Variants in PCDHGB5 observed in about 807,000 individuals in gnomAD.
The protein encoded by PCDHGB5 is protocadherin gamma-B5.
PCDHGB5 carries 48 observed loss-of-function variants against 62.9 expected under a neutral mutation model. The observed-to-expected ratio is 0.76, with a 90% CI of 0.61 to 0.97. The LOEUF is 0.97. Ranked by LOEUF, PCDHGB5 falls within the 50% of genes least tolerant of loss-of-function variation. The pLI is 0.00. For missense variants in PCDHGB5, 1,118 were observed against 1,198.6 expected (o/e 0.93, Z 0.99); for synonymous variants, 474 against 511.2 (o/e 0.93, Z 0.98).
Position 141,476,489 on chromosome 5 carries a change from A to G in PCDHGB5, c.2398-18318A>G. ...GGAGCTGTTCAGCGTGGAAGTGGTGATCCAGGACATCAACGACAACAATCC... is the reference window on the plus strand; with the variant it reads ...GGAGCTGTTCAGCGTGGAAGTGGTGGTCCAGGACATCAACGACAACAATCC... On this transcript the variant is annotated intron_variant, in intron 1 of 3. Coordinates refer to ENST00000617380, the MANE Select transcript of PCDHGB5 (RefSeq NM_018925.3). The surrounding 1 kb of genome is among the most constrained non-coding windows in gnomAD (Gnocchi z 7.6). The G allele has an allele frequency of 6.2e-7, 1 of 1,613,928 alleles. No individual in the cohort carries two copies. Among genetic ancestry groups the G allele is most frequent in the Non-Finnish European group, 8.5e-7 (1 of 1,179,976 alleles).
chr5:141,404,917 G>A (rs750464541), intron 1 of PCDHGB5: 37 of 1,613,652 alleles, frequency 2.3e-5, no homozygotes, highest in Middle Eastern at 3.3e-4. Flanking sequence ...CCCCTCTCTC[G>A]GCCACTGTCA....
chr5:141,423,213 C>A, intron 1 of PCDHGB5: 1 of 1,613,710 alleles, frequency 6.2e-7, no homozygotes, highest in Non-Finnish European at 8.5e-7. Flanking sequence ...TCACGCTCAC[C>A]GTGGCTGTGG....
chr5:141,495,323 G>C (rs1029646773), intron 2 of PCDHGB5, among the ~76,000 whole-genome samples: 2 of 152,214 alleles, frequency 1.3e-5, no homozygotes, highest in African/African-American at 4.8e-5. Context: ...AGCCGAGGCT[G>C]ACTGCAGCCT....
intron 1 of PCDHGB5, chr5:141,492,050 C>T (rs2099736541): frequency 4.0e-6 from 2 of 500,984 alleles, no homozygotes; most frequent in South Asian, 7.5e-5. Context: ...AGATCCACCC[C>T]TGCAGCCAGC....
In PCDHGB5 at chr5:141,423,110, G is replaced by A. The variant is rs62621243; in HGVS notation, c.2397+22586G>A. On this transcript the variant is annotated intron_variant, in intron 1 of 3. Coordinates refer to ENST00000617380, the MANE Select transcript of PCDHGB5 (RefSeq NM_018925.3). ...GTGGGGGAGCACACGGGCGAGGTGC[G>A]TACAGCGCGGGCACTGCTGGACAGA... The A allele has an allele frequency of 0.016, 25,324 of 1,613,842 alleles. 257 individuals carry two copies. Among genetic ancestry groups the A allele is most frequent in the Non-Finnish European group, 0.019 (22,060 of 1,179,980 alleles).
rs554003983 is a variant in PCDHGB5, at chr5:141,415,548, A to T, written c.2397+15024A>T. 10 of 1,614,160 alleles carry T rather than the reference A, an allele frequency of 6.2e-6. No individual in the cohort carries two copies. The East Asian group carries it at 1.8e-4, about 29-fold the overall frequency. ...TCATCAGCCAGGAGAGCTGTGAGAA[A>T]AACGATCCTTTGTCTTTGTTAGATG... On this transcript the variant is annotated intron_variant, in intron 1 of 3. Coordinates refer to ENST00000617380, the MANE Select transcript of PCDHGB5 (RefSeq NM_018925.3).
At chr5:141,413,389 T>C (rs370906684) in intron 1 of PCDHGB5, 1 of 1,613,986 alleles carries the variant, frequency 6.2e-7, no homozygotes, top group South Asian at 1.1e-5. Context: ...CCGCATAGTC[T>C]CCAGAGGTAG....
At chr5:141,404,382 A>G (rs765708858) in intron 1 of PCDHGB5, 27 of 1,613,860 alleles carry the variant, frequency 1.7e-5, no homozygotes, top group South Asian at 1.2e-4. Context: ...GTGATTGCCT[A>G]TGACCCTGAT....
intron 1 of PCDHGB5, chr5:141,422,603 C>G: frequency 6.2e-7 from 1 of 1,614,078 alleles, no homozygotes; most frequent in Non-Finnish European, 8.5e-7. Context: ...TCCTCTTACT[C>G]TGCCTACATT....
intron 1 of PCDHGB5, chr5:141,479,399 T>C (rs2099494765): frequency 6.6e-6 from 1 of 152,576 alleles, no homozygotes; most frequent in African/African-American, 2.4e-5. Flanking sequence ...AGTTCTGGGC[T>C]GTGGTGCACT....
chr5:141,454,796 ATTTTTTTTTTTTTTTTTT>A (rs61612330), intron 1 of PCDHGB5, among the ~76,000 whole-genome samples: 1 of 77,408 alleles, frequency 1.3e-5, no homozygotes, highest in Non-Finnish European at 2.3e-5. Flanking sequence ...CATGGTTCTA[ATTTTTTTTTTTTTTTTTT>A]TTTTTTTTTT....
At position 141,404,863 on chromosome 5, in the gene PCDHGB5, G is replaced by A. The variant is rs370856862; in HGVS notation, c.2397+4339G>A. 507 of 1,613,746 alleles carry A rather than the reference G, an allele frequency of 3.1e-4. 2 individuals are homozygous for A. The highest frequency in any genetic ancestry group is 3.8e-4 in the Non-Finnish European group (451 of 1,179,902). On this transcript the variant is annotated intron_variant, in intron 1 of 3. Coordinates refer to ENST00000617380, the MANE Select transcript of PCDHGB5 (RefSeq NM_018925.3). ...CTCGGGCCCTGCTAGATAGAGATGC[G>A]CTCAAACAGAGCCTTGTGGTGGCTG...
At chr5:141,428,019 G>C in intron 1 of PCDHGB5, 1 of 1,604,824 alleles carries the variant, frequency 6.2e-7, no homozygotes, top group Non-Finnish European at 8.5e-7. Flanking sequence ...AGTGCCACGC[G>C]CCGCAGAGTC....
In PCDHGB5 at chr5:141,485,609, G is replaced by A. The variant is rs1432367043; in HGVS notation, c.2398-9198G>A. The A allele has an allele frequency of 6.2e-7, 1 of 1,612,252 alleles. No homozygotes were observed. Among genetic ancestry groups the A allele is most frequent in the Non-Finnish European group, 8.5e-7 (1 of 1,178,656 alleles). On this transcript the variant is annotated intron_variant, in intron 1 of 3. Transcript: ENST00000617380. This position sits in a 1 kb window ranked among gnomAD's most constrained non-coding sequence, Gnocchi z 5.7. ...GCTGGACTTGGAAATTGGGGAGGCA[G>A]CTCCTCCAGGACAGCGTTTCCCGTT...
At chr5:141,433,398 T>TCTAC (rs1487149690) in intron 1 of PCDHGB5, among the ~76,000 whole-genome samples, 2 of 151,396 alleles carry the variant, frequency 1.3e-5, no homozygotes, top group Non-Finnish European at 2.9e-5. Context: ...TATCTATCTA[T>TCTAC]CTATCTATTA....
Position 141,489,140 on chromosome 5 carries a change from G to A in PCDHGB5, c.2398-5667G>A. ...CCTCCGAGCAGTTTTTAAGAGGCTG[G>A]AAGGAGACATAAGAGACTTCAGCTG... is the stretch of plus-strand genomic sequence containing the variant. On this transcript the variant is annotated intron_variant, in intron 1 of 3. Transcript: ENST00000617380. The surrounding 1 kb of genome is among the most constrained non-coding windows in gnomAD (Gnocchi z 4.5). The A allele has an allele frequency of 1.2e-6, 1 of 841,390 alleles. No individual in the cohort carries two copies. Among genetic ancestry groups the A allele is most frequent in the South Asian group, 2.1e-5 (1 of 47,082 alleles). The allele number at this position is 841,390 out of a possible 1,614,324, so 52.1% of individuals were successfully genotyped here.
intron 1 of PCDHGB5, chr5:141,440,348 C>G (rs2098169693): frequency 6.6e-6 from 1 of 152,190 alleles, no homozygotes; most frequent in South Asian, 2.1e-4. Flanking sequence ...GGCCTATAAT[C>G]CTAGCTACTC....
Position 141,491,676 on chromosome 5 carries a change from T to C in PCDHGB5, c.2398-3131T>C. On this transcript the variant is annotated intron_variant, in intron 1 of 3. Coordinates refer to ENST00000617380, the MANE Select transcript of PCDHGB5 (RefSeq NM_018925.3). The surrounding 1 kb of genome is among the most constrained non-coding windows in gnomAD (Gnocchi z 6.9). ...AGCCTGACGCCATCCGGTCCCGCTC[T>C]AATACGCTGCGGGAGCGGAGCCAGG... 3.1e-6 allele frequency: 5 copies of C among 1,613,546 alleles called. No individual in the cohort carries two copies. Among genetic ancestry groups the C allele is most frequent in the Non-Finnish European group, 4.2e-6 (5 of 1,179,848 alleles).
rs112156044 is a variant in PCDHGB5, at chr5:141,476,771, G to C, written c.2398-18036G>C. ...CCAGTTAGTGCTGACGGCGTTGGAC[G>C]GAGGGACCCCAGCTCTCTCCGCCAG... On this transcript the variant is annotated intron_variant, in intron 1 of 3. Coordinates refer to ENST00000617380, the MANE Select transcript of PCDHGB5 (RefSeq NM_018925.3). The surrounding 1 kb of genome is among the most constrained non-coding windows in gnomAD (Gnocchi z 7.6). 1.1e-5 allele frequency: 18 copies of C among 1,613,700 alleles called. 1 individual carries two copies. In the South Asian group the frequency reaches 1.3e-4, roughly 12 times the overall value.
Sources: allele counts gnomAD v4.1 joint callset (sites outside exome capture counted in the v4.1 genomes callset), GRCh38; gene constraint gnomAD v4.1.1; non-coding constraint Gnocchi (gnomAD v3.1); transcripts MANE v1.5; gene names NCBI Gene and HGNC (gene_info 2026-07-23, HGNC 2026-07-21).